Variants in DNAH6 observed in about 807,000 individuals in gnomAD.
DNAH6 encodes the protein dynein axonemal heavy chain 6, also known as axonemal beta dynein heavy chain 6.
A neutral mutation model predicts 491.4 loss-of-function variants in DNAH6; 340 were observed. The observed-to-expected ratio is 0.69, with a 90% confidence interval of 0.63 to 0.76. DNAH6 has a LOEUF of 0.76. Ranked by LOEUF, DNAH6 falls within the 30% of genes least tolerant of loss-of-function variation. The pLI, the probability that DNAH6 is intolerant of heterozygous loss-of-function variation, is 0.00. For missense variants in DNAH6, 4,443 were observed against 4,972.2 expected (o/e 0.89, Z 3.20); for synonymous variants, 1,603 against 1,686.1 (o/e 0.95, Z 1.21).
rs1197587271 is a variant in DNAH6, at chr2:84,548,382, G to A, written c.1281G>A (p.Gln427=). ...GDSEKMTYTE[Q]ASKRHYCMRL... ...CTGAGAAAATGACATATACAGAACA[G>A]GCCAGCAAAAGGCATTATTGCATGA... Residue 427 remains glutamine, a synonymous_variant, in exon 8 of 77, where the codon CAG becomes CAA. Coordinates refer to ENST00000389394, the MANE Select transcript of DNAH6 (RefSeq NM_001370.2). The A allele has an allele frequency of 6.2e-7, 1 of 1,613,990 alleles. No individual in the cohort carries two copies. The highest frequency in any genetic ancestry group is 8.5e-7 in the Non-Finnish European group (1 of 1,179,956).
chr2:84,679,014 G>C (rs961487727), intron 41 of DNAH6, among the ~76,000 whole-genome samples: 1 of 152,048 alleles, frequency 6.6e-6, no homozygotes, highest in Non-Finnish European at 1.5e-5. Context: ...TTCATCACCC[G>C]TCTGTCCTGT....
intron 11 of DNAH6, among the ~76,000 whole-genome samples, chr2:84,572,142 G>T (rs564707459): frequency 6.6e-6 from 1 of 152,258 alleles, no homozygotes; most frequent in South Asian, 2.1e-4. Context: ...GTAAGAAAAT[G>T]TCCTTGTGTT....
At chr2:84,768,615 A>T (rs1200129980) in intron 64 of DNAH6, among the ~76,000 whole-genome samples, 2 of 152,162 alleles carry the variant, frequency 1.3e-5, no homozygotes, top group African/African-American at 4.8e-5. Flanking sequence ...ACTTCAAGAC[A>T]AATATAATAA....
At chr2:84,689,908 T>C (rs948799655) in intron 45 of DNAH6, among the ~76,000 whole-genome samples, 4 of 152,224 alleles carry the variant, frequency 2.6e-5, no homozygotes, top group Non-Finnish European at 2.9e-5. Flanking sequence ...ATAACAGCTC[T>C]CCAGATATTT....
In DNAH6 at chr2:84,706,908, A is replaced by G. The variant is rs1432935914; in HGVS notation, c.8740A>G (p.Ile2914Val). Residue 2914 changes from isoleucine (I) to valine (V), a missense_variant, in exon 53 of 77, where the codon ATT becomes GTT. By Grantham distance (29) the Ile-to-Val change is conservative (BLOSUM62 3). This residue lies in a region of DNAH6 where 1,463 missense variants were observed against 1,656.6 expected (regional missense o/e 0.88). Transcript: ENST00000389394. ...KLRAAQAELD[I>V]TMATLREKQA... The stretch of plus-strand genomic sequence containing the variant: ...TTGATTTTATTAGGCTGAACTTGAC[A>G]TTACCATGGCTACCCTGAGAGAAAA... 6.5e-7 allele frequency: 1 copy of G among 1,541,458 alleles called. No homozygotes were observed. The highest frequency in any genetic ancestry group is 2.5e-5 in the East Asian group (1 of 40,566).
intron 57 of DNAH6, 68 bp downstream of exon 57, chr2:84,713,327 T>A: frequency 6.8e-7 from 1 of 1,481,400 alleles, no homozygotes; most frequent in Non-Finnish European, 9.1e-7. Context: ...CTCTGAAGTT[T>A]GATGGGCTCC....
chr2:84,703,793 A>G (rs900704399), intron 50 of DNAH6, among the ~76,000 whole-genome samples: 1 of 152,184 alleles, frequency 6.6e-6, no homozygotes, highest in Non-Finnish European at 1.5e-5. Flanking sequence ...CAGCCCAATG[A>G]ATAGGACAGA....
intron 63 of DNAH6, among the ~76,000 whole-genome samples, chr2:84,761,789 T>TAC (rs35707461): frequency 0.35 from 49,151 of 141,678 alleles, 8,894 homozygotes; most frequent in Non-Finnish European, 0.44. Flanking sequence ...CACACACACA[T>TAC]ACACACACAC....
At chr2:84,561,725 G>T (rs1573024689) in intron 11 of DNAH6, among the ~76,000 whole-genome samples, 2 of 152,030 alleles carry the variant, frequency 1.3e-5, no homozygotes, top group Admixed American at 6.5e-5. Flanking sequence ...TCAAAAAGTG[G>T]GCAAAGGATA....
intron 37 of DNAH6, among the ~76,000 whole-genome samples, chr2:84,660,489 A>G (rs1691397095): frequency 6.6e-6 from 1 of 152,180 alleles, no homozygotes. Context: ...TAATGGATAA[A>G]GTTAGAAAGT....
Position 84,624,910 on chromosome 2 carries a change from C to T in DNAH6, c.4362C>T (p.Cys1454=), listed in dbSNP as rs1387612955. The T allele has an allele frequency of 6.5e-7, 1 of 1,547,838 alleles. No homozygotes were observed. Among genetic ancestry groups the T allele is most frequent in the Non-Finnish European group, 8.7e-7 (1 of 1,145,558 alleles). ...TGCATTGCTTTCTTCAGGATCGCTG[C>T]TATCTTTGCCTCATGGGAGCTTTGC... is the stretch of plus-strand genomic sequence containing the variant. The part of the protein sequence containing the change: ...RLVITPLTDR[C]YLCLMGALQL... The change falls in exon 29 of 77, where the codon TGC becomes TGT. Residue 1454 remains cysteine, a synonymous_variant. Coordinates refer to ENST00000389394, the MANE Select transcript of DNAH6 (RefSeq NM_001370.2).
At chr2:84,608,648 C>CA (rs879696545) in intron 21 of DNAH6, among the ~76,000 whole-genome samples, 1 of 152,158 alleles carries the variant, frequency 6.6e-6, no homozygotes, top group Non-Finnish European at 1.5e-5. Context: ...TGCTGTCACA[C>CA]AGGCTTTGTT....
intron 63 of DNAH6, among the ~76,000 whole-genome samples, chr2:84,760,684 G>T (rs899100039): frequency 1.3e-5 from 2 of 152,060 alleles, no homozygotes; most frequent in Non-Finnish European, 1.5e-5. Flanking sequence ...CAGAGAAAAG[G>T]GAATACACAT....
chr2:84,600,080 G>A (rs1438246412), intron 18 of DNAH6, among the ~76,000 whole-genome samples: 2 of 152,138 alleles, frequency 1.3e-5, no homozygotes, highest in Non-Finnish European at 2.9e-5. Flanking sequence ...TTGGTTGGTG[G>A]TGGTGTTCAG....
chr2:84,491,727 C>T, the DNAH6 span, among the ~76,000 whole-genome samples: 1 of 152,164 alleles, frequency 6.6e-6, no homozygotes, highest in African/African-American at 2.4e-5. Flanking sequence ...CATGTGCCTA[C>T]CTCTCAAGTT....
intron 41 of DNAH6, among the ~76,000 whole-genome samples, chr2:84,680,905 A>T (rs981517363): frequency 3.3e-5 from 5 of 152,136 alleles, no homozygotes; most frequent in African/African-American, 1.2e-4. Context: ...CCAGCTACTG[A>T]GATGGGGAAG....
chr2:84,548,584 A>G (rs756333599), intron 8 of DNAH6, among the ~76,000 whole-genome samples, 167 bp downstream of exon 8: 5 of 152,254 alleles, frequency 3.3e-5, no homozygotes, highest in Non-Finnish European at 7.3e-5. Context: ...ACAATAAAAA[A>G]TTAAAATGAA....
At chr2:84,527,357 G>A (rs1243325002) in intron 3 of DNAH6, among the ~76,000 whole-genome samples, 1 of 152,018 alleles carries the variant, frequency 6.6e-6, no homozygotes, top group Non-Finnish European at 1.5e-5. Context: ...CCTCCTCCAT[G>A]GGAGGAAAAT....
intron 47 of DNAH6, 137 bp downstream of exon 47, chr2:84,697,864 G>C: frequency 2.1e-6 from 2 of 932,526 alleles, no homozygotes; most frequent in Non-Finnish European, 3.2e-6. Flanking sequence ...TGTATTCGAT[G>C]TATTTTATTT....
Sources: allele counts gnomAD v4.1 joint callset (sites outside exome capture counted in the v4.1 genomes callset), GRCh38; gene constraint gnomAD v4.1.1; regional missense constraint gnomAD v4.1.1; transcripts MANE v1.5; gene names NCBI Gene and HGNC (gene_info 2026-07-23, HGNC 2026-07-21).